TENM2: variants seen among roughly 807,000 people sequenced by gnomAD.
TENM2 encodes teneurin transmembrane protein 2, also known as teneurin-2.
Under a neutral mutation model 245.2 loss-of-function variants are expected in TENM2, and 52 were observed. The ratio of observed to expected loss-of-function variants is 0.21; its 90% CI spans 0.17 to 0.27. The LOEUF (loss-of-function observed/expected upper bound fraction) is 0.27, where lower values mean the gene tolerates loss of function less well. Among genes scored for constraint, TENM2 ranks in the 10% least tolerant of loss-of-function variants. The pLI is 1.00. For synonymous variants in TENM2, 1,363 were observed against 1,438.9 expected, an observed-to-expected ratio of 0.95 and a Z score of 1.19; for missense variants, 3,046 against 3,666.8, an observed-to-expected ratio of 0.83 and a Z score of 4.37.
chr5:167,646,177 C>CATATATATATATGTTGTTTTCATATATAT lies in TENM2; in HGVS notation c.503-229797_503-229796insGTTGTTTTCATATATATATATATATATAT, dbSNP rs1561634043. 1.5e-4 allele frequency among the ~76,000 whole-genome samples: 13 copies of CATATATATATATGTTGTTTTCATATATAT among 84,168 alleles called. No homozygotes were observed. The East Asian group carries it at 2.0e-3, about 13-fold the overall frequency. 55.2% of individuals were successfully genotyped at this position (84,168 alleles called of 152,430 possible). A position where few individuals can be genotyped will look rare whatever the true frequency, so the allele number is the denominator to read the frequency against. ...TTTTCATATATATATATGTTGTTTT[C>CATATATATATATGTTGTTTTCATATATAT]ATATATATATATATGTTGTTTTCAT... is the stretch of plus-strand genomic sequence containing the variant. On this transcript the variant is annotated intron_variant, in intron 2 of 28. Transcript: ENST00000518659.
At chr5:167,968,404 T>C (rs916644859) in intron 4 of TENM2, among the ~76,000 whole-genome samples, 3 of 152,156 alleles carry the variant, frequency 2.0e-5, no homozygotes, top group Non-Finnish European at 1.5e-5. Flanking sequence ...ACTTAAGCTG[T>C]GTATGCCTTA....
intron 2 of TENM2, among the ~76,000 whole-genome samples, chr5:167,863,564 A>T (rs1360263760): frequency 6.6e-6 from 1 of 152,056 alleles, no homozygotes; most frequent in Non-Finnish European, 1.5e-5. Context: ...GAATTGCTTG[A>T]ACCTGGGAGG....
intron 2 of TENM2, among the ~76,000 whole-genome samples, chr5:167,866,320 G>T (rs1772320048): frequency 6.6e-6 from 1 of 152,090 alleles, no homozygotes; most frequent in South Asian, 2.1e-4. Flanking sequence ...CCAACATAGT[G>T]AAACTTCATC....
chr5:167,721,892 A>AT, intron 2 of TENM2, among the ~76,000 whole-genome samples: 1 of 152,242 alleles, frequency 6.6e-6, no homozygotes, highest in East Asian at 1.9e-4. Context: ...CAAAATCAGA[A>AT]AAACCTATTT....
At chr5:167,408,967 C>T (rs1762771164) in intron 2 of TENM2, among the ~76,000 whole-genome samples, 2 of 151,056 alleles carry the variant, frequency 1.3e-5, no homozygotes, top group East Asian at 1.9e-4. Flanking sequence ...TATACACACA[C>T]ACACATACAA....
At chr5:167,400,136 TGCATTTA>T (rs538049063) in intron 2 of TENM2, among the ~76,000 whole-genome samples, 119 of 152,272 alleles carry the variant, frequency 7.8e-4, no homozygotes, top group Non-Finnish European at 1.2e-3. Flanking sequence ...TGATTAAATT[TGCATTTA>T]GAAAAATTAT....
chr5:167,610,315 G>C lies in TENM2; in HGVS notation c.502+234842G>C, dbSNP rs1392297539. ...CCTAGTCCTTCTGAGTTTTGTTGGA[G>C]GCTTCATTATGTAGGCGTGATTGAT... On this transcript the variant is annotated intron_variant, in intron 2 of 28. Coordinates refer to ENST00000518659, the Ensembl canonical transcript of TENM2. Among the ~76,000 whole-genome samples the C allele has an allele frequency of 3.9e-5, 6 of 152,084 alleles. No homozygotes were observed. The South Asian group carries it at 8.3e-4, about 21-fold the overall frequency.
At chr5:167,346,675 C>T (rs1758475041) in intron 1 of TENM2, among the ~76,000 whole-genome samples, 1 of 152,160 alleles carries the variant, frequency 6.6e-6, no homozygotes, top group Admixed American at 6.5e-5. Context: ...CTGGCAGAAG[C>T]CATAAGCCTC....
the TENM2 span, among the ~76,000 whole-genome samples, chr5:167,128,890 A>T: frequency 2.0e-5 from 3 of 152,316 alleles, no homozygotes; most frequent in African/African-American, 7.2e-5. Context: ...TAAAGAAATA[A>T]ACAACCAAAC....
At chr5:168,258,267 C>T (rs1172972124) in intron 27 of TENM2, among the ~76,000 whole-genome samples, 2 of 151,940 alleles carry the variant, frequency 1.3e-5, no homozygotes, top group Non-Finnish European at 2.9e-5. Context: ...TTTGGGAGGC[C>T]GAGGCGGGCA....
intron 2 of TENM2, among the ~76,000 whole-genome samples, chr5:167,418,316 A>G (rs1763287041): frequency 6.7e-6 from 1 of 148,966 alleles, no homozygotes; most frequent in South Asian, 2.1e-4. Flanking sequence ...ACTGTCTCAA[A>G]AAAAAAAAAA....
chr5:167,814,758 A>G (rs1766915028), intron 2 of TENM2, among the ~76,000 whole-genome samples: 1 of 152,072 alleles, frequency 6.6e-6, no homozygotes, highest in Non-Finnish European at 1.5e-5. Context: ...TTTTATGGAT[A>G]TTATTAACTA....
intron 2 of TENM2, among the ~76,000 whole-genome samples, chr5:167,452,948 T>TATATATATATATATATATATATTTTAA (rs10627779): frequency 0.07 from 3,302 of 47,114 alleles, 409 homozygotes; most frequent in Admixed American, 0.098. Flanking sequence ...TATATATATA[T>TATATATATATATATATATATATTTTAA]ATATATATAT....
the TENM2 span, among the ~76,000 whole-genome samples, chr5:167,248,403 G>C: frequency 3.9e-5 from 6 of 152,118 alleles, no homozygotes; most frequent in African/African-American, 1.4e-4. Context: ...TCCCACGGAG[G>C]GTTCCAGAAA....
At chr5:168,220,559 G>A (rs1387085627) in intron 23 of TENM2, among the ~76,000 whole-genome samples, 1 of 152,066 alleles carries the variant, frequency 6.6e-6, no homozygotes, top group Admixed American at 6.6e-5. Context: ...GATAAATCCA[G>A]TGATCACAAA....
chr5:167,605,729 G>A (rs1351133583), intron 2 of TENM2, among the ~76,000 whole-genome samples: 1 of 152,184 alleles, frequency 6.6e-6, no homozygotes, highest in Non-Finnish European at 1.5e-5. Flanking sequence ...ATCTGATCGT[G>A]TACCAGGTAA....
At chr5:167,772,751 T>G (rs1763488713) in intron 2 of TENM2, among the ~76,000 whole-genome samples, 1 of 152,208 alleles carries the variant, frequency 6.6e-6, no homozygotes, top group Admixed American at 6.5e-5. Context: ...AGAATCAGTA[T>G]TCTGTTAACC....
At chr5:167,698,910 C>T (rs1757965819) in intron 2 of TENM2, among the ~76,000 whole-genome samples, 1 of 151,876 alleles carries the variant, frequency 6.6e-6, no homozygotes, top group Non-Finnish European at 1.5e-5. Context: ...TCTTGATCTC[C>T]TGACCTTGTG....
intron 1 of TENM2, among the ~76,000 whole-genome samples, chr5:167,335,369 G>C (rs1251148121): frequency 6.6e-6 from 1 of 152,152 alleles, no homozygotes; most frequent in Non-Finnish European, 1.5e-5. Flanking sequence ...CCTCCCACCA[G>C]GCCTGACCTC....
Sources: allele counts gnomAD v4.1 joint callset (sites outside exome capture counted in the v4.1 genomes callset), GRCh38; gene constraint gnomAD v4.1.1; transcripts MANE v1.5; gene names NCBI Gene and HGNC (gene_info 2026-07-23, HGNC 2026-07-21).